TMEM131: variants seen among roughly 807,000 people sequenced by gnomAD.
TMEM131 encodes 2610524E03Rik.
A neutral mutation model predicts 211.6 loss-of-function variants in TMEM131; 66 were observed. The ratio of observed to expected loss-of-function variants is 0.31; its 90% confidence interval spans 0.26 to 0.38. The LOEUF is 0.38. Among genes scored for constraint, TMEM131 ranks in the 10% least tolerant of loss-of-function variants. The pLI, the probability that TMEM131 is intolerant of heterozygous loss-of-function variation, is 1.00. For synonymous variants in TMEM131, 844 were observed against 841.3 expected (o/e 1.00, Z -0.06); for missense variants, 2,036 against 2,299.3 (o/e 0.89, Z 2.34).
At chr2:97,985,356 C>CAT (rs138134108) in intron 1 of TMEM131, among the ~76,000 whole-genome samples, 50,609 of 150,790 alleles carry the variant, frequency 0.34, 9,238 homozygotes, top group Middle Eastern at 0.47. Context: ...TTACTTAATA[C>CAT]ATATATATAT....
chr2:97,995,616 G>A lies in TMEM131; in HGVS notation c.47C>T (p.Ala16Val). 2 of 1,238,848 alleles carry A rather than the reference G, an allele frequency of 1.6e-6. No homozygotes were observed. The highest frequency in any genetic ancestry group is 2.0e-6 in the Non-Finnish European group (2 of 991,274). 76.7% of individuals were successfully genotyped at this position (1,238,848 alleles called of 1,614,324 possible). Residue 16 changes from alanine (A) to valine (V), a missense_variant, in exon 1 of 41, where the codon GCC becomes GTC. By Grantham distance (64) the Ala-to-Val change is moderately conservative. Coordinates refer to ENST00000186436, the MANE Select transcript of TMEM131 (RefSeq NM_015348.2). ...CCCGGCCCCGGCGGACGTGGAGACGGCGGCGGTGGTGGCTCCGGTTGCTCC... is the reference window on the plus strand; with the variant it reads ...CCCGGCCCCGGCGGACGTGGAGACGACGGCGGTGGTGGCTCCGGTTGCTCC... ...GGGATGATTAAVSTSAGAGLE... is the reference protein window; with the variant it reads ...GGGATGATTAVVSTSAGAGLE...
intron 5 of TMEM131, among the ~76,000 whole-genome samples, chr2:97,853,471 T>C (rs1573462109): frequency 1.4e-5 from 2 of 142,276 alleles, no homozygotes; most frequent in Admixed American, 1.4e-4. Context: ...CTGGCAGTGG[T>C]GGGACGGGCC....
intron 1 of TMEM131, among the ~76,000 whole-genome samples, chr2:97,972,693 C>T (rs1679361881): frequency 1.3e-5 from 2 of 152,110 alleles, no homozygotes; most frequent in African/African-American, 2.4e-5. Context: ...CTCTAATCAG[C>T]TGATGTTAAA....
intron 19 of TMEM131, among the ~76,000 whole-genome samples, chr2:97,809,097 A>T (rs76374139): frequency 6.6e-6 from 1 of 152,222 alleles, no homozygotes; most frequent in Middle Eastern, 3.2e-3. Flanking sequence ...GCAGAGAGCC[A>T]GTCTTTAAAG....
At chr2:97,837,031 C>T (rs771894595) in intron 8 of TMEM131, 46 bp downstream of exon 8, 121 of 1,457,658 alleles carry the variant, frequency 8.3e-5, no homozygotes, top group Admixed American at 1.5e-4. Context: ...TAAGAATAAT[C>T]GGTTTCATGG....
At chr2:97,768,305 A>T (rs924735011) in intron 33 of TMEM131, among the ~76,000 whole-genome samples, 1 of 152,176 alleles carries the variant, frequency 6.6e-6, no homozygotes, top group African/African-American at 2.4e-5. Flanking sequence ...AGGGTTATTT[A>T]AAAAACCCAT....
chr2:97,759,925 G>T, intron 38 of TMEM131, 176 bp from the exon 39 acceptor site: 1 of 587,484 alleles, frequency 1.7e-6, no homozygotes, highest in Non-Finnish European at 3.1e-6. Flanking sequence ...GGGTTGAGTC[G>T]GAGGGAGCCC....
intron 2 of TMEM131, among the ~76,000 whole-genome samples, chr2:97,912,852 A>AT (rs1325372885): frequency 6.6e-6 from 1 of 152,188 alleles, no homozygotes; most frequent in Non-Finnish European, 1.5e-5. Flanking sequence ...CCAAAAGGGG[A>AT]TATGCGGGAG....
intron 40 of TMEM131, among the ~76,000 whole-genome samples, chr2:97,758,067 G>A (rs1259654683): frequency 6.6e-6 from 1 of 151,692 alleles, no homozygotes; most frequent in Non-Finnish European, 1.5e-5. Context: ...AGGAGGCGGA[G>A]CTTGCAGTGA....
intron 1 of TMEM131, among the ~76,000 whole-genome samples, chr2:97,928,879 G>A (rs746509118): frequency 6.6e-6 from 1 of 151,764 alleles, no homozygotes; most frequent in Non-Finnish European, 1.5e-5. Flanking sequence ...AGTGATATCA[G>A]TAAGAATTCA....
At chr2:97,906,134 T>C (rs1386676897) in intron 3 of TMEM131, among the ~76,000 whole-genome samples, 1 of 152,170 alleles carries the variant, frequency 6.6e-6, no homozygotes, top group Non-Finnish European at 1.5e-5. Context: ...CAGTCTTTCA[T>C]CAGCATCAAA....
intron 22 of TMEM131, 49 bp downstream of exon 22, chr2:97,805,039 A>G (rs772564303): frequency 2.2e-5 from 27 of 1,235,288 alleles, no homozygotes; most frequent in Admixed American, 9.7e-5. Context: ...TTATGTTTCA[A>G]TAGTCATCTT....
intron 6 of TMEM131, 95 bp from the exon 7 acceptor site, chr2:97,842,032 A>G (rs182880195): frequency 2.6e-6 from 3 of 1,154,050 alleles, no homozygotes; most frequent in Admixed American, 3.7e-5. Flanking sequence ...GGCAAATCTA[A>G]TTTATGTATA....
chr2:97,877,015 TACA>T (rs1674724774), intron 4 of TMEM131, among the ~76,000 whole-genome samples: 2 of 152,212 alleles, frequency 1.3e-5, no homozygotes, highest in Admixed American at 6.5e-5. Flanking sequence ...AGTCTCAGGA[TACA>T]AAATCAATGT....
intron 15 of TMEM131, among the ~76,000 whole-genome samples, chr2:97,813,088 G>A (rs992617538): frequency 5.3e-5 from 8 of 152,108 alleles, no homozygotes; most frequent in African/African-American, 1.7e-4. Context: ...TTTGTATGAC[G>A]AAAGTCTTTT....
intron 27 of TMEM131, 65 bp downstream of exon 27, chr2:97,796,779 G>A (rs1295098073): frequency 6.6e-7 from 1 of 1,516,316 alleles, no homozygotes; most frequent in Non-Finnish European, 9.0e-7. Context: ...TGTTGTTTTT[G>A]AAATTATTTA....
rs530543159 is a variant in TMEM131 at position 97,910,216 on chromosome 2, A to T, written c.250-1518T>A. 4.5e-5 allele frequency among the ~76,000 whole-genome samples: 6 copies of T among 133,970 alleles called. No homozygotes were observed. In the South Asian group the frequency reaches 1.1e-3, roughly 24 times the overall value. The allele number at this position is 133,970 out of a possible 152,430, so 87.9% of individuals were successfully genotyped here. A position where few individuals can be genotyped will look rare whatever the true frequency, so the allele number is the denominator to read the frequency against. ...TTGGATGACTACTATTTAAAATTTTAAAAAGAAAATAAGGATCTTTGGCAA... is the reference window on the plus strand; with the variant it reads ...TTGGATGACTACTATTTAAAATTTTTAAAAGAAAATAAGGATCTTTGGCAA... On this transcript the variant is annotated intron_variant, in intron 2 of 40. Coordinates refer to ENST00000186436, the MANE Select transcript of TMEM131 (RefSeq NM_015348.2).
intron 1 of TMEM131, among the ~76,000 whole-genome samples, chr2:97,936,503 G>C (rs1341537741): frequency 6.6e-6 from 1 of 152,180 alleles, no homozygotes; most frequent in Non-Finnish European, 1.5e-5. Flanking sequence ...CAAATACACA[G>C]GCCTCTCAAC....
rs757865496 is a variant in TMEM131, at chr2:97,844,761, C to T, written c.484-500G>A. Among the ~76,000 whole-genome samples the T allele has an allele frequency of 2.0e-5, 3 of 152,132 alleles. No homozygotes were observed. The South Asian group carries it at 6.2e-4, about 32-fold the overall frequency. On this transcript the variant is annotated intron_variant, in intron 5 of 40. Transcript: ENST00000186436. ...TGAATGTATGTGCAGGAACTCACTC[C>T]TGTTACTTTCTGCAGATTAAGAATG... is the stretch of plus-strand genomic sequence containing the variant.
Sources: gnomAD v4.1 joint callset for allele counts (sites outside exome capture counted in the v4.1 genomes callset) on GRCh38, gnomAD v4.1.1 for gene constraint, MANE v1.5 for transcripts, NCBI Gene and HGNC (gene_info 2026-07-23, HGNC 2026-07-21) for gene names.